Variants in RETREG1 observed in about 807,000 individuals in gnomAD.
RETREG1 encodes the protein family with sequence similarity 134 member B.
In RETREG1, 44 loss-of-function variants were observed where a neutral mutation model predicts 54.8. The observed-to-expected ratio is 0.80, with a 90% CI of 0.63 to 1.03. The LOEUF is 1.03. RETREG1 is among the 50% of genes least tolerant of loss of function. The probability of loss-of-function intolerance (pLI) is 0.00; values close to 1 mark genes in which losing one functional copy is unlikely to be tolerated. For synonymous variants in RETREG1, 217 were observed against 238.5 expected (o/e 0.91, Z 0.83); for missense variants, 554 against 605.1 (o/e 0.92, Z 0.89).
At chr5:16,485,755 T>C (rs1738989354) in intron 3 of RETREG1, among the ~76,000 whole-genome samples, 1 of 152,238 alleles carries the variant, frequency 6.6e-6, no homozygotes, top group Admixed American at 6.5e-5. Flanking sequence ...GGAAGGGTCT[T>C]ATCTATTTTC....
intron 1 of RETREG1, among the ~76,000 whole-genome samples, chr5:16,612,285 A>G (rs1391550809): frequency 3.3e-5 from 5 of 152,228 alleles, no homozygotes; most frequent in Non-Finnish European, 7.3e-5. Context: ...ATTTGACTGT[A>G]TACTTACAGT....
At chr5:16,536,978 T>C (rs759707292) in intron 3 of RETREG1, among the ~76,000 whole-genome samples, 2 of 151,948 alleles carry the variant, frequency 1.3e-5, no homozygotes, top group South Asian at 4.2e-4. Context: ...CGTCAGAGAG[T>C]TCACACAAAA....
chr5:16,526,934 T>G (rs1004667385), intron 3 of RETREG1, among the ~76,000 whole-genome samples: 11 of 152,152 alleles, frequency 7.2e-5, no homozygotes, highest in South Asian at 6.2e-4. Context: ...ACACTCACAG[T>G]GTCTCACTTC....
At chr5:16,507,876 A>G (rs777382392) in intron 3 of RETREG1, among the ~76,000 whole-genome samples, 24 of 152,366 alleles carry the variant, frequency 1.6e-4, no homozygotes, top group Non-Finnish European at 2.5e-4. Context: ...AATGGCCCCA[A>G]TTAGAATTCC....
In RETREG1 at chr5:16,555,995, G is replaced by T. The variant is rs115631823; in HGVS notation, c.458+9768C>A. On this transcript the variant is annotated intron_variant, in intron 3 of 8. Coordinates refer to ENST00000306320, the MANE Select transcript of RETREG1 (RefSeq NM_001034850.3). ...TTCCATATTTATAAATGAACTTCAC[G>T]CATTTCAAATCCATAATAACTCAGG... Among the ~76,000 whole-genome samples, 437 of 152,016 alleles carry T rather than the reference G, an allele frequency of 2.9e-3. 1 individual carries two copies. Among genetic ancestry groups the T allele is most frequent in the Non-Finnish European group, 5.1e-3 (350 of 67,986 alleles).
chr5:16,562,272 G>C (rs183107066), intron 3 of RETREG1, among the ~76,000 whole-genome samples: 7 of 152,230 alleles, frequency 4.6e-5, no homozygotes, highest in Middle Eastern at 3.4e-3. Context: ...CTGAGATCGC[G>C]CCATTGCACT....
Position 16,541,194 on chromosome 5 carries a change from A to T in RETREG1, c.458+24569T>A, listed in dbSNP as rs577123377. ...ACCAAAAGACAGGGTCTTTGGGGAAATGATTCAATCATGAGGGCAGAACTC... is the reference window on the plus strand; with the variant it reads ...ACCAAAAGACAGGGTCTTTGGGGAATTGATTCAATCATGAGGGCAGAACTC... On this transcript the variant is annotated intron_variant, in intron 3 of 8. Coordinates refer to ENST00000306320, the MANE Select transcript of RETREG1 (RefSeq NM_001034850.3). 3.9e-5 allele frequency among the ~76,000 whole-genome samples: 6 copies of T among 152,352 alleles called. No individual in the cohort carries two copies. The East Asian group carries it at 1.2e-3, about 29-fold the overall frequency.
intron 3 of RETREG1, among the ~76,000 whole-genome samples, chr5:16,527,553 T>C (rs1257820441): frequency 6.6e-6 from 1 of 152,134 alleles, no homozygotes; most frequent in Non-Finnish European, 1.5e-5. Flanking sequence ...TCATAGAAGT[T>C]GCCTGATAGA....
intron 3 of RETREG1, among the ~76,000 whole-genome samples, chr5:16,497,373 G>T (rs1350939572): frequency 6.6e-6 from 1 of 152,178 alleles, no homozygotes; most frequent in East Asian, 1.9e-4. Context: ...TGAAATAAGT[G>T]CACACAATTT....
At position 16,479,977 on chromosome 5, in the gene RETREG1, T is replaced by C. The variant is rs539579218; in HGVS notation, c.671-990A>G. Among the ~76,000 whole-genome samples, 172 of 152,170 alleles carry C rather than the reference T, an allele frequency of 1.1e-3. 1 individual carries two copies. The highest frequency in any genetic ancestry group is 4.1e-3 in the African/African-American group (169 of 41,536). On this transcript the variant is annotated intron_variant, in intron 5 of 8. Coordinates refer to ENST00000306320, the MANE Select transcript of RETREG1 (RefSeq NM_001034850.3). ...TTTTAATAACATTTTTGGGTGGTCATTGATGTATAATAAAATACATGTATT... is the reference window on the plus strand; with the variant it reads ...TTTTAATAACATTTTTGGGTGGTCACTGATGTATAATAAAATACATGTATT...
intron 1 of RETREG1, among the ~76,000 whole-genome samples, chr5:16,586,581 C>G (rs1434591241): frequency 6.6e-6 from 1 of 152,196 alleles, no homozygotes; most frequent in East Asian, 1.9e-4. Flanking sequence ...TACATGCTAA[C>G]AGTCAGATTT....
intron 3 of RETREG1, among the ~76,000 whole-genome samples, chr5:16,540,449 G>A (rs1419177508): frequency 6.6e-6 from 1 of 152,178 alleles, no homozygotes; most frequent in Admixed American, 6.5e-5. Context: ...CATGAATTCA[G>A]TTATTACAGA....
intron 8 of RETREG1, 127 bp from the exon 9 acceptor site, chr5:16,475,361 G>A (rs1241589832): frequency 7.9e-6 from 8 of 1,018,606 alleles, no homozygotes; most frequent in Non-Finnish European, 1.2e-5. Context: ...AGCCTCCTGG[G>A]TCAACTTGAA....
chr5:16,602,063 T>C (rs1743069588), intron 1 of RETREG1, among the ~76,000 whole-genome samples: 1 of 152,080 alleles, frequency 6.6e-6, no homozygotes, highest in African/African-American at 2.4e-5. Context: ...CGCATACAAG[T>C]TCTCAAAACA....
chr5:16,607,208 T>C (rs1281628326), intron 1 of RETREG1, among the ~76,000 whole-genome samples: 1 of 152,194 alleles, frequency 6.6e-6, no homozygotes, highest in Non-Finnish European at 1.5e-5. Flanking sequence ...GTATATTTGT[T>C]TATTGTATTT....
At chr5:16,495,512 T>C (rs1380258648) in intron 3 of RETREG1, among the ~76,000 whole-genome samples, 1 of 152,196 alleles carries the variant, frequency 6.6e-6, no homozygotes, top group Non-Finnish European at 1.5e-5. Flanking sequence ...CACTGCTCCC[T>C]ATGTCCCAGT....
intron 3 of RETREG1, among the ~76,000 whole-genome samples, chr5:16,500,663 G>A (rs1739670763): frequency 6.6e-6 from 1 of 152,186 alleles, no homozygotes; most frequent in South Asian, 2.1e-4. Context: ...AATTCTCCGT[G>A]TGGGTACTCA....
At chr5:16,565,258 G>T (rs912613342) in intron 3 of RETREG1, among the ~76,000 whole-genome samples, 1 of 152,078 alleles carries the variant, frequency 6.6e-6, no homozygotes, top group Non-Finnish European at 1.5e-5. Context: ...CTCTGGCTGG[G>T]CAAGGAGCCC....
In RETREG1 at chr5:16,607,088, T is replaced by C. The variant is rs1033196944; in HGVS notation, c.320+9564A>G. Among the ~76,000 whole-genome samples, 6 of 152,204 alleles carry C rather than the reference T, an allele frequency of 3.9e-5. No homozygotes were observed. The South Asian group carries it at 1.2e-3, about 31-fold the overall frequency. ...TCTTCAGGTGTCTACTCAAGGTCCT[T>C]TCCTGAAAGGCCAATGATGACCACC... On this transcript the variant is annotated intron_variant, in intron 1 of 8. Transcript: ENST00000306320.
Sources: allele counts gnomAD v4.1 joint callset (sites outside exome capture counted in the v4.1 genomes callset), GRCh38; gene constraint gnomAD v4.1.1; transcripts MANE v1.5; gene names NCBI Gene and HGNC (gene_info 2026-07-23, HGNC 2026-07-21).